The following FBRSL1 variants were observed in gnomAD, a reference collection of about 807,000 sequenced individuals.
FBRSL1 encodes fibrosin-1-like protein.
Under a neutral mutation model 89.6 loss-of-function variants are expected in FBRSL1, and 51 were observed. The ratio of observed to expected loss-of-function variants is 0.57; its 90% CI spans 0.45 to 0.72. FBRSL1 has a LOEUF of 0.72. Among genes scored for constraint, FBRSL1 ranks in the 30% least tolerant of loss-of-function variants. The pLI, the probability that FBRSL1 is intolerant of heterozygous loss-of-function variation, is 0.00. For synonymous variants in FBRSL1, 779 were observed against 681.1 expected (o/e 1.14, Z -2.24); for missense variants, 1,618 against 1,451.8 (o/e 1.11, Z -1.86).
At chr12:132,497,215 C>G (rs373313010) in intron 1 of FBRSL1, among the ~76,000 whole-genome samples, 2 of 152,204 alleles carry the variant, frequency 1.3e-5, no homozygotes, top group African/African-American at 4.8e-5. Context: ...AGCACTCCAG[C>G]CCATTTACTG....
intron 1 of FBRSL1, among the ~76,000 whole-genome samples, chr12:132,493,475 A>C (rs946397484): frequency 1.3e-5 from 2 of 152,066 alleles, no homozygotes; most frequent in Admixed American, 6.5e-5. Context: ...CCCAGACCCC[A>C]CACACACTGG....
At chr12:132,581,845 CCCCCTCCCCCGATGCCCGCG>C (rs1327977795) in intron 17 of FBRSL1, 21 bp downstream of exon 17, 18 of 1,517,236 alleles carry the variant, frequency 1.2e-5, no homozygotes, top group South Asian at 5.0e-5. Context: ...CAGCCTGTGC[CCCCCTCCCCCGATGCCCGCG>C]CCCCTCCCCC....
intron 14 of FBRSL1, among the ~76,000 whole-genome samples, chr12:132,576,490 G>A (rs555598877): frequency 5.3e-5 from 8 of 152,310 alleles, no homozygotes; most frequent in African/African-American, 1.9e-4. Flanking sequence ...ACCGTGCCTG[G>A]CCTTAACTTT....
At chr12:132,509,051 C>G in intron 2 of FBRSL1, 3 of 1,224,524 alleles carry the variant, frequency 2.4e-6, no homozygotes, top group Non-Finnish European at 3.1e-6. Flanking sequence ...TCCTCGGCCC[C>G]CTTGGGAATT....
chr12:132,535,148 CTG>C (rs1387085616), intron 4 of FBRSL1, among the ~76,000 whole-genome samples: 1 of 152,254 alleles, frequency 6.6e-6, no homozygotes, highest in Non-Finnish European at 1.5e-5. Context: ...AATGTTAACA[CTG>C]TTTCTGGTTA....
intron 9 of FBRSL1, chr12:132,571,777 C>T (rs370474398): frequency 4.4e-5 from 15 of 343,904 alleles, no homozygotes; most frequent in African/African-American, 2.9e-4. Flanking sequence ...CATGGGACAC[C>T]CTCACGCCTG....
chr12:132,528,068 C>T (rs760431993), intron 4 of FBRSL1, 80 bp downstream of exon 4: 49 of 1,331,278 alleles, frequency 3.7e-5, no homozygotes, highest in Middle Eastern at 3.6e-4. Context: ...TGTCCGAGGC[C>T]CCACAACTTA....
chr12:132,542,212 G>T (rs1168781370), intron 4 of FBRSL1, among the ~76,000 whole-genome samples: 1 of 152,230 alleles, frequency 6.6e-6, no homozygotes, highest in Non-Finnish European at 1.5e-5. Context: ...CACGGCAGAT[G>T]CTCCTCGTAT....
At chr12:132,493,356 C>A (rs2031425812) in intron 1 of FBRSL1, among the ~76,000 whole-genome samples, 1 of 152,220 alleles carries the variant, frequency 6.6e-6, no homozygotes, top group African/African-American at 2.4e-5. Context: ...CCTTGTAACC[C>A]CAGAGGCTGG....
chr12:132,509,505 C>T (rs374289493), intron 2 of FBRSL1: 82 of 1,237,262 alleles, frequency 6.6e-5, no homozygotes, highest in South Asian at 8.1e-5. Flanking sequence ...CCAGCCCTGC[C>T]GGCCGCATTG....
intron 18 of FBRSL1, 58 bp from the exon 19 acceptor site, chr12:132,582,913 T>G: frequency 7.7e-7 from 1 of 1,297,986 alleles, no homozygotes; most frequent in Non-Finnish European, 9.9e-7. Flanking sequence ...ATCCCGGGGC[T>G]GCGCCGCGCG....
intron 18 of FBRSL1, 116 bp from the exon 19 acceptor site, chr12:132,582,855 G>A: frequency 1.2e-6 from 1 of 802,104 alleles, no homozygotes; most frequent in South Asian, 2.8e-5. Context: ...GGGTGCTGAG[G>A]GGTCACCGGC....
At chr12:132,524,583 G>A (rs999851737) in intron 2 of FBRSL1, among the ~76,000 whole-genome samples, 6 of 152,374 alleles carry the variant, frequency 3.9e-5, no homozygotes, top group Middle Eastern at 3.4e-3. Flanking sequence ...GGGCTGGGGC[G>A]TGCTCCTGAC....
chr12:132,514,566 G>A (rs1412556567), intron 2 of FBRSL1, among the ~76,000 whole-genome samples: 1 of 152,154 alleles, frequency 6.6e-6, no homozygotes, highest in East Asian at 1.9e-4. Flanking sequence ...CCACAGGCCC[G>A]GCCACGGTGC....
chr12:132,510,886 A>C, intron 2 of FBRSL1: 9 of 1,012,806 alleles, frequency 8.9e-6, no homozygotes, highest in Non-Finnish European at 1.1e-5. Context: ...CTCTGAGTCT[A>C]CGTGCACGCT....
intron 10 of FBRSL1, 35 bp downstream of exon 10, chr12:132,572,379 G>A (rs1398147824): frequency 2.6e-6 from 4 of 1,548,678 alleles, no homozygotes; most frequent in East Asian, 2.4e-5. Flanking sequence ...GCGTGTCGCT[G>A]TGCACGCAGG....
At chr12:132,547,884 C>T (rs2037831836) in intron 4 of FBRSL1, 119 bp from the exon 5 acceptor site, 1 of 1,090,546 alleles carries the variant, frequency 9.2e-7, no homozygotes, top group Non-Finnish European at 1.3e-6. Context: ...GTACCTCCCT[C>T]TCCTGGCAGC....
chr12:132,500,054 G>GC (rs756516911), intron 1 of FBRSL1, among the ~76,000 whole-genome samples: 42 of 152,138 alleles, frequency 2.8e-4, no homozygotes, highest in Non-Finnish European at 5.6e-4. Flanking sequence ...CCATGTACGT[G>GC]CACCCGGGAC....
At chr12:132,544,678 G>A (rs1399103984) in intron 4 of FBRSL1, among the ~76,000 whole-genome samples, 1 of 152,026 alleles carries the variant, frequency 6.6e-6, no homozygotes, top group Non-Finnish European at 1.5e-5. Context: ...TCATGGTGGT[G>A]GTAATGAGGA....
Sources: allele counts gnomAD v4.1 joint callset (sites outside exome capture counted in the v4.1 genomes callset), GRCh38; gene constraint gnomAD v4.1.1; transcripts MANE v1.5; gene names NCBI Gene and HGNC (gene_info 2026-07-23, HGNC 2026-07-21).